EXOC6: variants seen among roughly 807,000 people sequenced by gnomAD.
EXOC6 encodes exocyst complex component 6.
A neutral mutation model predicts 112.5 loss-of-function variants in EXOC6; 60 were observed. That is an observed-to-expected ratio of 0.53 (90% confidence interval 0.43 to 0.66). EXOC6 has a LOEUF of 0.66. Ranked by LOEUF, EXOC6 falls within the 30% of genes least tolerant of loss-of-function variation. The pLI, the probability that EXOC6 is intolerant of heterozygous loss-of-function variation, is 0.00. For synonymous variants in EXOC6, 295 were observed against 308.0 expected, an observed-to-expected ratio of 0.96 and a Z score of 0.44; for missense variants, 855 against 957.1, an observed-to-expected ratio of 0.89 and a Z score of 1.41.
At chr10:92,950,213 TTG>T (rs1041543867) in intron 14 of EXOC6, among the ~76,000 whole-genome samples, 1 of 152,174 alleles carries the variant, frequency 6.6e-6, no homozygotes, top group Admixed American at 6.5e-5. Flanking sequence ...AGTCTTTTGG[TTG>T]TGTGTGTATA....
intron 19 of EXOC6, among the ~76,000 whole-genome samples, chr10:93,013,098 G>A (rs190380805): frequency 6.6e-6 from 1 of 152,194 alleles, no homozygotes; most frequent in African/African-American, 2.4e-5. Context: ...ATTCTTATCA[G>A]AGAAGCTTGC....
rs568695780 is a variant in EXOC6 at position 93,031,229 on chromosome 10, G to A, written c.2169+16962G>A. Among the ~76,000 whole-genome samples, 252 of 151,600 alleles carry A rather than the reference G, an allele frequency of 1.7e-3. 1 individual carries two copies. Among genetic ancestry groups the A allele is most frequent in the Non-Finnish European group, 2.6e-3 (179 of 67,924 alleles). The stretch of plus-strand genomic sequence containing the variant: ...TTTTTCCTGTCATCACTTCTTTGAT[G>A]CAACATCATTTTTTAAAGAATACTT... On this transcript the variant is annotated intron_variant, in intron 20 of 21. Coordinates refer to ENST00000260762, the MANE Select transcript of EXOC6 (RefSeq NM_019053.6).
At chr10:92,993,001 A>G (rs1843336378) in intron 18 of EXOC6, among the ~76,000 whole-genome samples, 1 of 143,614 alleles carries the variant, frequency 7.0e-6, no homozygotes, top group Non-Finnish European at 1.5e-5. Context: ...ACTGAAATTT[A>G]TGTAGCAAAT....
chr10:92,969,623 A>G (rs536931564), intron 17 of EXOC6, among the ~76,000 whole-genome samples: 1 of 152,204 alleles, frequency 6.6e-6, no homozygotes, highest in African/African-American at 2.4e-5. Context: ...TACCTTTACT[A>G]TACATGTAGT....
chr10:92,898,114 A>G (rs1849927714), intron 4 of EXOC6, among the ~76,000 whole-genome samples: 1 of 152,064 alleles, frequency 6.6e-6, no homozygotes, highest in African/African-American at 2.4e-5. Flanking sequence ...TAGGAGGAGT[A>G]TGAAAGGATG....
rs1846667094 is a variant in EXOC6, at chr10:93,059,047, C to G, written c.*692C>G. ...CTAACTATATTGCTTGTAGGTGACC[C>G]CATTCTGGATTTGTTTGGTTTGGTT... On this transcript the variant is annotated 3_prime_UTR_variant, in exon 22 of 22. Coordinates refer to ENST00000260762, the MANE Select transcript of EXOC6 (RefSeq NM_019053.6). The G allele has an allele frequency of 2.0e-5, 3 of 152,134 alleles. No individual in the cohort carries two copies. Among genetic ancestry groups the G allele is most frequent in the Admixed American group, 1.3e-4 (2 of 15,270 alleles). The allele number at this position is 152,134 out of a possible 1,614,324, so 9.4% of individuals were successfully genotyped here.
At chr10:92,835,694 G>A (rs1185059275) in intron 1 of EXOC6, among the ~76,000 whole-genome samples, 1 of 152,046 alleles carries the variant, frequency 6.6e-6, no homozygotes, top group Non-Finnish European at 1.5e-5. Context: ...ATTTCTCCCA[G>A]CTATTTAAAT....
chr10:92,844,026 C>A (rs536368851), upstream of EXOC6, among the ~76,000 whole-genome samples: 1 of 147,610 alleles, frequency 6.8e-6, no homozygotes, highest in Non-Finnish European at 1.5e-5. Flanking sequence ...TGGCACGTGC[C>A]TGTAGTCCCA....
At position 92,974,193 on chromosome 10, in the gene EXOC6, T is replaced by A; in HGVS notation, c.1914T>A (p.Asn638Lys). The change falls in exon 18 of 22, where the codon AAT becomes AAA. Residue 638 changes from asparagine to lysine, a missense_variant. Asn to Lys is a moderately conservative substitution (Grantham distance 94, BLOSUM62 0). Transcript: ENST00000260762. Reference sequence around the variant, plus strand: ...GTGGTTATTTAATGGACCTTATAAATTTTTTGAGAAGCATCTTTCAAGTGT... The same window carrying A: ...GTGGTTATTTAATGGACCTTATAAAATTTTTGAGAAGCATCTTTCAAGTGT... ...RASGYLMDLI[N>K]FLRSIFQVFT... The A allele has an allele frequency of 6.3e-7, 1 of 1,578,560 alleles. No individual in the cohort carries two copies.
At chr10:92,889,519 G>A (rs1290891460) in intron 1 of EXOC6, among the ~76,000 whole-genome samples, 1 of 152,048 alleles carries the variant, frequency 6.6e-6, no homozygotes, top group East Asian at 1.9e-4. Context: ...CTTTGCATGT[G>A]TATGTCCGGT....
At chr10:92,983,578 T>C (rs76673072) in intron 18 of EXOC6, among the ~76,000 whole-genome samples, 1,586 of 151,298 alleles carry the variant, frequency 0.01, 33 homozygotes, top group African/African-American at 0.036. Context: ...GATCTTGGCT[T>C]ACTGCAACCT....
At chr10:92,879,794 T>C (rs960827340) in intron 1 of EXOC6, among the ~76,000 whole-genome samples, 7 of 152,346 alleles carry the variant, frequency 4.6e-5, no homozygotes, top group Admixed American at 2.0e-4. Flanking sequence ...CTTTCAATAT[T>C]TGAATGCCTG....
intron 20 of EXOC6, among the ~76,000 whole-genome samples, chr10:93,055,808 T>G (rs1392987047): frequency 6.6e-6 from 1 of 152,208 alleles, no homozygotes; most frequent in Non-Finnish European, 1.5e-5. Context: ...CAAGAAAATC[T>G]CTATTAATAC....
intron 20 of EXOC6, among the ~76,000 whole-genome samples, chr10:93,023,914 G>A (rs1844900313): frequency 1.5e-5 from 2 of 136,074 alleles, no homozygotes; most frequent in Non-Finnish European, 3.2e-5. Context: ...GAAATGAGGT[G>A]TCACATATAA....
intron 8 of EXOC6, among the ~76,000 whole-genome samples, chr10:92,926,460 T>G (rs1851726594): frequency 6.6e-6 from 1 of 151,806 alleles, no homozygotes; most frequent in African/African-American, 2.4e-5. Flanking sequence ...CTCTCTATAT[T>G]TGTATATTTT....
chr10:92,869,801 C>T (rs1364608065), intron 1 of EXOC6, among the ~76,000 whole-genome samples: 1 of 152,086 alleles, frequency 6.6e-6, no homozygotes, highest in Non-Finnish European at 1.5e-5. Context: ...TTCCTTTTCA[C>T]TTCTTAAACC....
intron 20 of EXOC6, among the ~76,000 whole-genome samples, chr10:93,016,415 A>G (rs968503112): frequency 3.9e-5 from 6 of 152,040 alleles, no homozygotes; most frequent in Non-Finnish European, 5.9e-5. Flanking sequence ...TGCTGGGATT[A>G]CAGGTATAAG....
At chr10:92,900,696 TC>T (rs1850118306) in intron 5 of EXOC6, 1 of 152,024 alleles carries the variant, frequency 6.6e-6, no homozygotes, top group Admixed American at 6.6e-5. Flanking sequence ...CTTTCCTATT[TC>T]CCATTCACCA....
intron 18 of EXOC6, among the ~76,000 whole-genome samples, chr10:92,975,896 G>A (rs1842562861): frequency 2.2e-5 from 3 of 134,984 alleles, no homozygotes; most frequent in South Asian, 4.9e-4. Context: ...TGCCTGGCCA[G>A]CCGCCCCGTC....
Sources: gnomAD v4.1 joint callset for allele counts (sites outside exome capture counted in the v4.1 genomes callset) on GRCh38, gnomAD v4.1.1 for gene constraint, MANE v1.5 for transcripts, NCBI Gene and HGNC (gene_info 2026-07-23, HGNC 2026-07-21) for gene names.